The following CSNK1E variants were observed in gnomAD, a reference collection of about 807,000 sequenced individuals.
CSNK1E encodes the protein casein kinase I isoform epsilon.
CSNK1E carries 17 observed loss-of-function variants against 46.1 expected under a neutral mutation model. The ratio of observed to expected loss-of-function variants is 0.37; its 90% CI spans 0.25 to 0.55. CSNK1E has a LOEUF of 0.55. Among genes scored for constraint, CSNK1E ranks in the 20% least tolerant of loss-of-function variants. The probability of loss-of-function intolerance (pLI) is 0.82; values close to 1 mark genes in which losing one functional copy is unlikely to be tolerated. For synonymous variants in CSNK1E, 241 were observed against 242.6 expected (o/e 0.99, Z 0.06); for missense variants, 386 against 595.4 (o/e 0.65, Z 3.66).
chr22:38,312,053 C>T (rs1310254930), intron 2 of CSNK1E, among the ~76,000 whole-genome samples: 1 of 152,312 alleles, frequency 6.6e-6, no homozygotes, highest in East Asian at 1.9e-4. Context: ...ATCTGCCCGC[C>T]TCGGCCTCCC....
chr22:38,299,935 C>A lies in CSNK1E; in HGVS notation c.696G>T (p.Lys232Asn). 1 of 1,614,208 alleles carries A rather than the reference C, an allele frequency of 6.2e-7. No individual in the cohort carries two copies. Among genetic ancestry groups the A allele is most frequent in the Non-Finnish European group, 8.5e-7 (1 of 1,180,022 alleles). Residue 232 changes from lysine (K) to asparagine (N), a missense_variant, in exon 6 of 11, where the codon AAG (lysine) becomes AAT (asparagine). By Grantham distance (94) the Lys-to-Asn change is moderately conservative (BLOSUM62 0). This residue lies in a region of CSNK1E where 212 missense variants were observed against 410.2 expected (regional missense o/e 0.52). Transcript: ENST00000396832. ...RQKYERISEK[K>N]MSTPIEVLCK... ...AGAGGACCTCGATGGGCGTTGACATCTTCTTCTCGCTGATCCGTTCATACT... is the reference window on the plus strand; with the variant it reads ...AGAGGACCTCGATGGGCGTTGACATATTCTTCTCGCTGATCCGTTCATACT...
intron 9 of CSNK1E, 129 bp downstream of exon 9, chr22:38,293,980 C>G: frequency 8.8e-7 from 1 of 1,138,372 alleles, no homozygotes; most frequent in East Asian, 2.6e-5. Flanking sequence ...CCTGGCTCTA[C>G]AGAAGGGGTT....
In CSNK1E at chr22:38,291,533, G is replaced by C. The variant is rs899855908; in HGVS notation, c.*438C>G. 1 of 152,294 alleles carries C rather than the reference G, an allele frequency of 6.6e-6. No homozygotes were observed. Among genetic ancestry groups the C allele is most frequent in the African/African-American group, 2.4e-5 (1 of 41,430 alleles). 9.4% of individuals were successfully genotyped at this position (152,294 alleles called of 1,614,324 possible). A position where few individuals can be genotyped will look rare whatever the true frequency, so the allele number is the denominator to read the frequency against. On this transcript the variant is annotated 3_prime_UTR_variant, in exon 11 of 11. Coordinates refer to ENST00000396832, the MANE Select transcript of CSNK1E (RefSeq NM_152221.3). Reference sequence around the variant, plus strand: ...CTGGATTCTGAGGCTCGGAAAACTCGGTGGGAACTGCCTTCAACTGACTAC... The same window carrying C: ...CTGGATTCTGAGGCTCGGAAAACTCCGTGGGAACTGCCTTCAACTGACTAC...
chr22:38,317,544 TG>T (rs1304420242), upstream of CSNK1E: 3 of 152,696 alleles, frequency 2.0e-5, no homozygotes, highest in Non-Finnish European at 4.4e-5. Context: ...CCCTCCGCGC[TG>T]GGGGCCGCAG....
At chr22:38,307,247 G>A (rs1266929118) in intron 2 of CSNK1E, among the ~76,000 whole-genome samples, 1 of 151,964 alleles carries the variant, frequency 6.6e-6, no homozygotes, top group Admixed American at 6.6e-5. Context: ...CATTGTATTA[G>A]GTATTATAAG....
intron 7 of CSNK1E, chr22:38,296,602 A>G: frequency 6.2e-7 from 1 of 1,612,880 alleles, no homozygotes; most frequent in Non-Finnish European, 8.5e-7. Flanking sequence ...GCCTCTGCCC[A>G]GCTTCTAACT....
rs2092651639 is a variant in CSNK1E at position 38,298,281 on chromosome 22, T to TCCCCACCCAA, written c.885+495_885+504dup. 8.0e-6 allele frequency: 9 copies of TCCCCACCCAA among 1,125,066 alleles called. No homozygotes were observed. The highest frequency in any genetic ancestry group is 1.1e-5 in the Non-Finnish European group (9 of 842,288). 69.7% of individuals were successfully genotyped at this position (1,125,066 alleles called of 1,614,324 possible). On this transcript the variant is annotated intron_variant, in intron 7 of 10. Coordinates refer to ENST00000396832, the MANE Select transcript of CSNK1E (RefSeq NM_152221.3). The surrounding 1 kb of genome is among the most constrained non-coding windows in gnomAD (Gnocchi z 4.2). ...TCTGGGTACGGCCGGCCAATGCTGC[T>TCCCCACCCAA]CCCCACCCAACCCCACCCCTGGGAC...
chr22:38,302,962 C>T lies in CSNK1E; in HGVS notation c.235G>A (p.Val79Met). The T allele has an allele frequency of 1.2e-6, 2 of 1,614,128 alleles. No homozygotes were observed. Among genetic ancestry groups the T allele is most frequent in the Non-Finnish European group, 8.5e-7 (1 of 1,180,022 alleles). Reference protein sequence around the residue: ...KWCGAEGDYNVMVMELLGPSL... With the variant: ...KWCGAEGDYNMMVMELLGPSL... Reference sequence around the variant, plus strand: ...GGCCCCAGCAGCTCCATGACCATCACGTTGTAGTCGCCCTCAGCTCCGCAC... The same window carrying T: ...GGCCCCAGCAGCTCCATGACCATCATGTTGTAGTCGCCCTCAGCTCCGCAC... Residue 79 changes from valine to methionine, a missense_variant, in exon 4 of 11, where the codon GTG becomes ATG. Val to Met is a conservative substitution (Grantham distance 21, BLOSUM62 1). Around this residue, in one of 2 missense-constraint regions of CSNK1E, gnomAD observed 212 missense variants for 410.2 expected, o/e 0.52. Coordinates refer to ENST00000396832, the MANE Select transcript of CSNK1E (RefSeq NM_152221.3).
chr22:38,297,073 C>T (rs762638592), intron 7 of CSNK1E: 8 of 761,676 alleles, frequency 1.1e-5, no homozygotes, highest in Admixed American at 5.3e-5. Flanking sequence ...CAGGCCTGGC[C>T]GACATTTCCA....
chr22:38,303,596 G>A lies in CSNK1E; in HGVS notation c.77-348C>T, dbSNP rs1004235242. Reference sequence around the variant, plus strand: ...GAGTCCTAGAGCAAATTCAGGCAGTGAGGTCTGTCGGGTTGAGATGGTGGC... The same window carrying A: ...GAGTCCTAGAGCAAATTCAGGCAGTAAGGTCTGTCGGGTTGAGATGGTGGC... On this transcript the variant is annotated intron_variant, in intron 2 of 10. Transcript: ENST00000396832. This position sits in a 1 kb window ranked among gnomAD's most constrained non-coding sequence, Gnocchi z 4.7. Among the ~76,000 whole-genome samples, 3 of 152,190 alleles carry A rather than the reference G, an allele frequency of 2.0e-5. No homozygotes were observed. Among genetic ancestry groups the A allele is most frequent in the Non-Finnish European group, 2.9e-5 (2 of 68,032 alleles).
intron 7 of CSNK1E, chr22:38,297,600 G>C: frequency 1.0e-6 from 1 of 997,204 alleles, no homozygotes; most frequent in Non-Finnish European, 1.2e-6. Flanking sequence ...GGCACACCAG[G>C]ATGAAGCAAG....
At chr22:38,307,686 G>A (rs1305086092) in intron 2 of CSNK1E, among the ~76,000 whole-genome samples, 2 of 152,224 alleles carry the variant, frequency 1.3e-5, no homozygotes, top group African/African-American at 4.8e-5. Context: ...GGTACCGAAG[G>A]TGGAGGGCTG....
intron 7 of CSNK1E, chr22:38,296,834 G>A: frequency 1.1e-6 from 1 of 946,072 alleles, no homozygotes. Flanking sequence ...GAGGGCAGTG[G>A]CATGATCTCA....
At chr22:38,313,949 C>T in intron 2 of CSNK1E, 133 bp downstream of exon 2, 1 of 791,864 alleles carries the variant, frequency 1.3e-6, no homozygotes, top group Non-Finnish European at 2.1e-6. Flanking sequence ...CCTTCCCCAT[C>T]TGGGATGGCC....
intron 2 of CSNK1E, among the ~76,000 whole-genome samples, chr22:38,308,249 G>A (rs1451364631): frequency 6.6e-6 from 1 of 152,190 alleles, no homozygotes; most frequent in Non-Finnish European, 1.5e-5. Flanking sequence ...AAGAAAAACA[G>A]AATGAATAAC....
Position 38,314,903 on chromosome 22 carries a change from C to T in CSNK1E, c.-12-734G>A, listed in dbSNP as rs1437623743. ...CTGGCCTGGGGCAGAGGAGGGACCC[C>T]TCTGCTCTGGCCTGGGGCAAAAGTC... On this transcript the variant is annotated intron_variant, in intron 1 of 10. Transcript: ENST00000396832. 2.6e-5 allele frequency among the ~76,000 whole-genome samples: 4 copies of T among 152,324 alleles called. No homozygotes were observed. The East Asian group carries it at 7.7e-4, about 29-fold the overall frequency.
intron 2 of CSNK1E, among the ~76,000 whole-genome samples, chr22:38,304,542 T>G (rs577515358): frequency 2.0e-5 from 3 of 152,198 alleles, no homozygotes; most frequent in African/African-American, 7.2e-5. Flanking sequence ...AGGACAAGGA[T>G]GGACACAGGA....
In CSNK1E at chr22:38,303,096, C is replaced by G. The variant is rs762667988; in HGVS notation, c.187+42G>C. 6.3e-7 allele frequency: 1 copy of G among 1,595,548 alleles called. No individual in the cohort carries two copies. Among genetic ancestry groups the G allele is most frequent in the East Asian group, 2.2e-5 (1 of 44,586 alleles). On this transcript the variant is annotated intron_variant, in intron 3 of 10. Transcript: ENST00000396832. This position sits in a 1 kb window ranked among gnomAD's most constrained non-coding sequence, Gnocchi z 4.7. Reference sequence around the variant, plus strand: ...CCACCCTGTGCTCATGGCTGCCCACCGCCACCCACCCGGCGCCCGCCGCCG... The same window carrying G: ...CCACCCTGTGCTCATGGCTGCCCACGGCCACCCACCCGGCGCCCGCCGCCG...
Position 38,300,629 on chromosome 22 carries a change from G to A in CSNK1E, c.565+95C>T, listed in dbSNP as rs2145835759. On this transcript the variant is annotated intron_variant, in intron 5 of 10. Transcript: ENST00000396832. This position sits in a 1 kb window ranked among gnomAD's most constrained non-coding sequence, Gnocchi z 4.4. ...ACTTTCTCACTAGAAAAGAGCCTGG[G>A]GGCCTCCATCAGGGTAGGGGGTGAG... is the stretch of plus-strand genomic sequence containing the variant. 1 of 1,189,234 alleles carries A rather than the reference G, an allele frequency of 8.4e-7. No homozygotes were observed. Among genetic ancestry groups the A allele is most frequent in the Admixed American group, 2.1e-5 (1 of 47,056 alleles). The allele number at this position is 1,189,234 out of a possible 1,614,324, so 73.7% of individuals were successfully genotyped here.
Sources: allele counts gnomAD v4.1 joint callset (sites outside exome capture counted in the v4.1 genomes callset), GRCh38; gene constraint gnomAD v4.1.1; regional missense constraint gnomAD v4.1.1; non-coding constraint Gnocchi (gnomAD v3.1); transcripts MANE v1.5; gene names NCBI Gene and HGNC (gene_info 2026-07-23, HGNC 2026-07-21).